Variants in ZNF664 observed in about 807,000 individuals in gnomAD.
ZNF664 encodes the protein zinc finger protein 664.
ZNF664 carries 10 observed loss-of-function variants against 18.2 expected under a neutral mutation model. The observed-to-expected ratio is 0.55, with a 90% CI of 0.34 to 0.93. The LOEUF is 0.93. Among genes scored for constraint, ZNF664 ranks in the 40% least tolerant of loss-of-function variants. ZNF664 has a pLI of 0.02. For missense variants in ZNF664, 193 were observed against 319.0 expected (o/e 0.61, Z 3.01); for synonymous variants, 119 against 104.2 (o/e 1.14, Z -0.86).
At chr12:123,995,083 C>T (rs374287190) in intron 3 of ZNF664, among the ~76,000 whole-genome samples, 127 of 152,274 alleles carry the variant, frequency 8.3e-4, no homozygotes, top group African/African-American at 3.0e-3. Flanking sequence ...GCCCATTTTA[C>T]AGACAGGAAG....
At chr12:123,990,217 G>A (rs192140974) in intron 3 of ZNF664, among the ~76,000 whole-genome samples, 22 of 152,310 alleles carry the variant, frequency 1.4e-4, no homozygotes, top group African/African-American at 4.6e-4. Flanking sequence ...ACAACAGTGT[G>A]TATATATGTA....
rs1044077581 is a variant in ZNF664 at position 124,013,977 on chromosome 12, A to G, written c.*1047A>G. 1 of 167,130 alleles carries G rather than the reference A, an allele frequency of 6.0e-6. No individual in the cohort carries two copies. Among genetic ancestry groups the G allele is most frequent in the Non-Finnish European group, 1.5e-5 (1 of 68,156 alleles). The allele number at this position is 167,130 out of a possible 1,614,324, so 10.4% of individuals were successfully genotyped here. A position where few individuals can be genotyped will look rare whatever the true frequency, so the allele number is the denominator to read the frequency against. On this transcript the variant is annotated 3_prime_UTR_variant, in exon 5 of 5. Coordinates refer to ENST00000337815, the MANE Select transcript of ZNF664 (RefSeq NM_152437.3). The stretch of plus-strand genomic sequence containing the variant: ...TCATTCTTTTCTTCATTCAACAAAT[A>G]TGTATTGAACACCTCCTATATGCCA...
In ZNF664 at chr12:124,008,037, C is replaced by T. The variant is rs552262348; in HGVS notation, c.-660-3344C>T. 2.6e-5 allele frequency among the ~76,000 whole-genome samples: 4 copies of T among 152,310 alleles called. 1 individual carries two copies. The highest frequency in any genetic ancestry group is 9.6e-5 in the African/African-American group (4 of 41,572). Reference sequence around the variant, plus strand: ...TTCCTTGACTGTCCTCTTTTAGCAGCTGGTTTGCTTCAGATTGCAAAGAAG... The same window carrying T: ...TTCCTTGACTGTCCTCTTTTAGCAGTTGGTTTGCTTCAGATTGCAAAGAAG... On this transcript the variant is annotated intron_variant, in intron 3 of 4. Transcript: ENST00000337815.
intron 3 of ZNF664, among the ~76,000 whole-genome samples, chr12:123,988,671 A>G (rs900611671): frequency 2.0e-5 from 3 of 152,064 alleles, no homozygotes; most frequent in African/African-American, 7.2e-5. Context: ...ATGGTTTCAC[A>G]TTGATCTGTG....
chr12:123,986,454 T>C (rs1223504393), intron 2 of ZNF664, among the ~76,000 whole-genome samples: 1 of 152,202 alleles, frequency 6.6e-6, no homozygotes, highest in Non-Finnish European at 1.5e-5. Context: ...TTTCTAACCT[T>C]TTAGCTCCTC....
At chr12:123,996,916 C>T (rs1282386713) in intron 3 of ZNF664, among the ~76,000 whole-genome samples, 6 of 152,158 alleles carry the variant, frequency 3.9e-5, no homozygotes, top group Admixed American at 3.9e-4. Context: ...CACTGCTCAC[C>T]CCTTCCCCAG....
At chr12:124,001,111 G>A (rs1957006335) in intron 3 of ZNF664, among the ~76,000 whole-genome samples, 1 of 152,130 alleles carries the variant, frequency 6.6e-6, no homozygotes, top group African/African-American at 2.4e-5. Flanking sequence ...TAAAAGACCT[G>A]GGGGTCATCC....
Position 124,011,843 on chromosome 12 carries a change from GAATGTTGACAACTC to G in ZNF664, c.-300_-287del. The stretch of plus-strand genomic sequence containing the variant: ...AGGTTTGCACTTTGAGAGCCCCTTG[GAATGTTGACAACTC>G]AGGATCTAAAACAAAGTTCTGTGTT... On this transcript the variant is annotated 5_prime_UTR_variant, in exon 5 of 5. It removes an upstream start codon present in the reference 5' UTR. Transcript: ENST00000337815. 8.4e-7 allele frequency: 1 copy of G among 1,184,842 alleles called. No individual in the cohort carries two copies. Among genetic ancestry groups the G allele is most frequent in the Non-Finnish European group, 1.0e-6 (1 of 959,302 alleles). 73.4% of individuals were successfully genotyped at this position (1,184,842 alleles called of 1,614,324 possible).
At chr12:123,986,668 G>A (rs888360981) in intron 2 of ZNF664, among the ~76,000 whole-genome samples, 1 of 152,226 alleles carries the variant, frequency 6.6e-6, no homozygotes. Flanking sequence ...ATATGTCAGA[G>A]TTAAGCTCTT....
intron 3 of ZNF664, among the ~76,000 whole-genome samples, chr12:123,994,185 T>C (rs1379175208): frequency 6.6e-6 from 1 of 151,462 alleles, no homozygotes; most frequent in African/African-American, 2.5e-5. Context: ...GTGGTCATCT[T>C]ACAGTTTGTT....
chr12:123,983,410 T>C (rs948250311), intron 2 of ZNF664, among the ~76,000 whole-genome samples: 2 of 152,248 alleles, frequency 1.3e-5, no homozygotes, highest in Non-Finnish European at 2.9e-5. Flanking sequence ...TGTCACTTGA[T>C]ACATTATAAG....
intron 2 of ZNF664, among the ~76,000 whole-genome samples, chr12:123,981,529 C>T (rs367591825): frequency 5.9e-5 from 9 of 152,174 alleles, no homozygotes; most frequent in Admixed American, 2.0e-4. Flanking sequence ...GGAGAGTCCC[C>T]ACCAGCAGGA....
At chr12:123,996,946 T>G (rs776171384) in intron 3 of ZNF664, among the ~76,000 whole-genome samples, 4 of 152,224 alleles carry the variant, frequency 2.6e-5, no homozygotes, top group Non-Finnish European at 4.4e-5. Flanking sequence ...CACAGAAGTA[T>G]GTATGTGTCG....
In ZNF664 at chr12:123,973,918, C is replaced by G; in HGVS notation, c.-859C>G. On this transcript the variant is annotated 5_prime_UTR_variant, in exon 2 of 5. It adds an upstream start codon to the 5' untranslated region. Coordinates refer to ENST00000337815, the MANE Select transcript of ZNF664 (RefSeq NM_152437.3). ...TGCGTCCGGCAGAGGAGGCGAGCAT[C>G]CCGCTCAGGTGATGAGGAACCCCTC... is the stretch of plus-strand genomic sequence containing the variant. 9.7e-6 allele frequency: 12 copies of G among 1,231,872 alleles called. No homozygotes were observed. Among genetic ancestry groups the G allele is most frequent in the Non-Finnish European group, 1.1e-5 (11 of 988,074 alleles). The allele number at this position is 1,231,872 out of a possible 1,614,324, so 76.3% of individuals were successfully genotyped here.
At chr12:123,995,203 A>G (rs1956933797) in intron 3 of ZNF664, among the ~76,000 whole-genome samples, 1 of 152,216 alleles carries the variant, frequency 6.6e-6, no homozygotes, top group East Asian at 1.9e-4. Flanking sequence ...GCTAAGCCCC[A>G]TCCTCTGCTG....
rs1329456249 is a variant in ZNF664, at chr12:124,011,452, C to T, written c.-600+11C>T. 2.5e-6 allele frequency: 2 copies of T among 803,982 alleles called. No homozygotes were observed. The highest frequency in any genetic ancestry group is 3.0e-6 in the Non-Finnish European group (2 of 665,740). The allele number at this position is 803,982 out of a possible 1,614,324, so 49.8% of individuals were successfully genotyped here. ...TCAAGACCAAAAAAGGTTTGTGTTA[C>T]TGCTGTCACATTTATATAAAATTAA... On this transcript the variant is annotated intron_variant, in intron 4 of 4. Transcript: ENST00000337815.
At chr12:123,993,620 G>A (rs183045836) in intron 3 of ZNF664, among the ~76,000 whole-genome samples, 1 of 152,194 alleles carries the variant, frequency 6.6e-6, no homozygotes, top group Non-Finnish European at 1.5e-5. Context: ...GGCTCATGGA[G>A]AGTGGTGGCC....
intron 3 of ZNF664, among the ~76,000 whole-genome samples, chr12:124,004,190 A>G (rs377211912): frequency 6.6e-6 from 1 of 152,202 alleles, no homozygotes; most frequent in South Asian, 2.1e-4. Context: ...TGATAGAGCT[A>G]GAGTGTGGCC....
At chr12:123,985,233 C>T (rs981990524) in intron 2 of ZNF664, among the ~76,000 whole-genome samples, 2 of 152,178 alleles carry the variant, frequency 1.3e-5, no homozygotes, top group African/African-American at 4.8e-5. Context: ...TCAACAATGA[C>T]TCTAGAAAGG....
Sources: gnomAD v4.1 joint callset for allele counts (sites outside exome capture counted in the v4.1 genomes callset) on GRCh38, gnomAD v4.1.1 for gene constraint, MANE v1.5 for transcripts, NCBI Gene and HGNC (gene_info 2026-07-23, HGNC 2026-07-21) for gene names.